The following SLC24A2 variants were observed in gnomAD, a reference collection of about 807,000 sequenced individuals.
The protein encoded by SLC24A2 is solute carrier family 24 member 2.
Under a neutral mutation model 62.0 loss-of-function variants are expected in SLC24A2, and 36 were observed. The ratio of observed to expected loss-of-function variants is 0.58; its 90% CI spans 0.44 to 0.77. SLC24A2 has a LOEUF of 0.77. Ranked by LOEUF, SLC24A2 falls within the 30% of genes least tolerant of loss-of-function variation. SLC24A2 has a pLI of 0.00. For missense variants in SLC24A2, 846 were observed against 817.9 expected (o/e 1.03, Z -0.42); for synonymous variants, 358 against 294.0 (o/e 1.22, Z -2.23).
intron 7 of SLC24A2, among the ~76,000 whole-genome samples, chr9:19,559,105 G>C (rs1413586267): frequency 6.6e-6 from 1 of 152,112 alleles, no homozygotes; most frequent in Admixed American, 6.6e-5. Context: ...AGAGTATTTG[G>C]CACATAGTGA....
intron 2 of SLC24A2, among the ~76,000 whole-genome samples, chr9:19,733,379 T>G (rs568993507): frequency 6.6e-6 from 1 of 152,342 alleles, no homozygotes; most frequent in Non-Finnish European, 1.5e-5. Flanking sequence ...GATGATCTTC[T>G]TTCCGTTCTC....
chr9:19,663,666 G>A (rs1819168055), intron 2 of SLC24A2, among the ~76,000 whole-genome samples: 1 of 152,172 alleles, frequency 6.6e-6, no homozygotes, highest in Non-Finnish European at 1.5e-5. Flanking sequence ...GTGCCCTCCT[G>A]TTTCTGCAAT....
chr9:20,247,540 T>C, the SLC24A2 span, among the ~76,000 whole-genome samples: 4 of 152,140 alleles, frequency 2.6e-5, no homozygotes, highest in Non-Finnish European at 5.9e-5. Flanking sequence ...CATGTAAGAT[T>C]AAAGTGAGAA....
the SLC24A2 span, among the ~76,000 whole-genome samples, chr9:20,024,731 T>C: frequency 6.6e-6 from 1 of 152,300 alleles, no homozygotes; most frequent in Admixed American, 6.5e-5. Context: ...ACGTCACTGA[T>C]TTTAGTTACT....
intron 4 of SLC24A2, among the ~76,000 whole-genome samples, chr9:19,602,413 G>A (rs1443575454): frequency 6.6e-6 from 1 of 152,184 alleles, no homozygotes; most frequent in Non-Finnish European, 1.5e-5. Context: ...TATTGGAGAA[G>A]AAGCAGGTAA....
chr9:20,180,241 A>G, the SLC24A2 span, among the ~76,000 whole-genome samples: 12 of 152,186 alleles, frequency 7.9e-5, no homozygotes, highest in Non-Finnish European at 1.8e-4. Context: ...GGACAAATTC[A>G]CTAATAACAC....
the SLC24A2 span, among the ~76,000 whole-genome samples, chr9:19,946,498 G>A: frequency 6.6e-6 from 1 of 152,132 alleles, no homozygotes; most frequent in Non-Finnish European, 1.5e-5. Context: ...CTTTAAAGAC[G>A]AATGAAAGCA....
intron 1 of SLC24A2, among the ~76,000 whole-genome samples, chr9:19,787,726 TA>T (rs1388859740): frequency 6.6e-6 from 1 of 152,128 alleles, no homozygotes; most frequent in Non-Finnish European, 1.5e-5. Context: ...TTCAGCTAAA[TA>T]TTTTTTTTAA....
intron 2 of SLC24A2, among the ~76,000 whole-genome samples, chr9:19,780,613 G>A (rs1026424270): frequency 6.6e-6 from 1 of 151,726 alleles, no homozygotes; most frequent in Non-Finnish European, 1.5e-5. Flanking sequence ...TAGAAATAGA[G>A]TGTAGGCTCA....
At position 19,527,368 on chromosome 9, in the gene SLC24A2, C is replaced by T. The variant is rs563855440; in HGVS notation, c.1569+681G>A. On this transcript the variant is annotated intron_variant, in intron 9 of 10. Coordinates refer to ENST00000341998, the MANE Select transcript of SLC24A2 (RefSeq NM_020344.4). ...CTGTAAACTGTGGATAATAATAGTACCTGCTTCATAGGCTTTGAACCTATG... is the reference window on the plus strand; with the variant it reads ...CTGTAAACTGTGGATAATAATAGTATCTGCTTCATAGGCTTTGAACCTATG... Among the ~76,000 whole-genome samples the T allele has an allele frequency of 1.1e-4, 17 of 152,128 alleles. No homozygotes were observed. In the South Asian group the frequency reaches 2.9e-3, roughly 26 times the overall value.
At chr9:19,929,937 G>A in the SLC24A2 span, 16 of 148,266 alleles carry the variant, frequency 1.1e-4, no homozygotes, top group Non-Finnish European at 2.2e-4. Context: ...CAGAAAAAAG[G>A]TTATAGAATA....
At chr9:20,299,618 A>AC in the SLC24A2 span, among the ~76,000 whole-genome samples, 1 of 152,150 alleles carries the variant, frequency 6.6e-6, no homozygotes, top group African/African-American at 2.4e-5. Flanking sequence ...ATTCCTGAAG[A>AC]CCCAGAGTGA....
chr9:20,144,202 T>G, the SLC24A2 span, among the ~76,000 whole-genome samples: 52 of 152,328 alleles, frequency 3.4e-4, no homozygotes, highest in African/African-American at 1.2e-3. Context: ...CTGAGGCTTT[T>G]TCTGTGAAAT....
chr9:19,667,971 T>C (rs1819305417), intron 2 of SLC24A2, among the ~76,000 whole-genome samples: 2 of 152,206 alleles, frequency 1.3e-5, no homozygotes, highest in Non-Finnish European at 2.9e-5. Flanking sequence ...TTTTGTATCT[T>C]GACCTTCTTT....
chr9:19,807,970 C>T, the SLC24A2 span, among the ~76,000 whole-genome samples: 6 of 152,322 alleles, frequency 3.9e-5, no homozygotes, highest in Admixed American at 1.3e-4. Context: ...TTATTCCTTT[C>T]AGTTAATTCA....
chr9:19,676,903 T>C (rs1819578774), intron 2 of SLC24A2, among the ~76,000 whole-genome samples: 1 of 152,220 alleles, frequency 6.6e-6, no homozygotes, highest in Non-Finnish European at 1.5e-5. Context: ...CCAGTCAGAA[T>C]GGCTATTAAT....
intron 2 of SLC24A2, among the ~76,000 whole-genome samples, chr9:19,634,277 GC>G (rs1479744331): frequency 0.011 from 1,481 of 131,426 alleles, 13 homozygotes; most frequent in Non-Finnish European, 0.019. Flanking sequence ...TGAAACTGCA[GC>G]CTCTTTTTTT....
At chr9:19,928,249 G>T in the SLC24A2 span, 9 of 152,236 alleles carry the variant, frequency 5.9e-5, no homozygotes, top group African/African-American at 2.2e-4. Flanking sequence ...CAGAATTTGG[G>T]CTAGGCCATG....
chr9:20,098,431 A>G, the SLC24A2 span, among the ~76,000 whole-genome samples: 1 of 152,178 alleles, frequency 6.6e-6, no homozygotes, highest in African/African-American at 2.4e-5. Flanking sequence ...ACTAAGAAAT[A>G]CTTCTATGGC....
Sources: gnomAD v4.1 joint callset for allele counts (sites outside exome capture counted in the v4.1 genomes callset) on GRCh38, gnomAD v4.1.1 for gene constraint, MANE v1.5 for transcripts, NCBI Gene and HGNC (gene_info 2026-07-23, HGNC 2026-07-21) for gene names.